MAGI1: variants seen among roughly 807,000 people sequenced by gnomAD.
MAGI1 encodes the protein membrane-associated guanylate kinase, WW and PDZ domain-containing protein 1.
In MAGI1, 58 loss-of-function variants were observed where a neutral mutation model predicts 139.9. The observed-to-expected ratio is 0.41, with a 90% CI of 0.34 to 0.52. MAGI1 has a LOEUF of 0.52. Ranked by LOEUF, MAGI1 falls within the 20% of genes least tolerant of loss-of-function variation. The pLI is 0.12. For missense variants in MAGI1, 1,874 were observed against 1,901.6 expected (o/e 0.99, Z 0.27); for synonymous variants, 812 against 737.9 (o/e 1.10, Z -1.63).
chr3:65,610,765 C>CAT (rs1163685151), intron 2 of MAGI1, among the ~76,000 whole-genome samples: 9 of 27,058 alleles, frequency 3.3e-4, no homozygotes, highest in African/African-American at 5.1e-4. Context: ...ATATATATAG[C>CAT]ATATATATAT....
chr3:65,753,941 G>A (rs911038478), intron 1 of MAGI1, among the ~76,000 whole-genome samples: 3 of 152,102 alleles, frequency 2.0e-5, no homozygotes, highest in African/African-American at 7.2e-5. Flanking sequence ...GGACCACACA[G>A]CTGCAGGTAT....
chr3:65,593,387 T>C (rs1007636060), intron 2 of MAGI1, among the ~76,000 whole-genome samples: 1 of 150,572 alleles, frequency 6.6e-6, no homozygotes, highest in African/African-American at 2.4e-5. Flanking sequence ...CAAGGACTAG[T>C]AGATTGTGAA....
chr3:65,771,463 A>C (rs1057487165), intron 1 of MAGI1, among the ~76,000 whole-genome samples: 3 of 152,184 alleles, frequency 2.0e-5, no homozygotes, highest in Non-Finnish European at 4.4e-5. Flanking sequence ...ACACAGGGAA[A>C]CATAGAGATA....
chr3:65,734,285 C>T (rs1431590499), intron 1 of MAGI1, among the ~76,000 whole-genome samples: 1 of 151,876 alleles, frequency 6.6e-6, no homozygotes, highest in African/African-American at 2.4e-5. Context: ...CACAGGGAGA[C>T]CCTGCCTCTA....
chr3:65,611,095 T>C (rs2083066744), intron 2 of MAGI1, among the ~76,000 whole-genome samples: 1 of 138,196 alleles, frequency 7.2e-6, no homozygotes, highest in Admixed American at 7.6e-5. Flanking sequence ...TATACATATA[T>C]AATATATAGT....
rs776191948 is a variant in MAGI1 at position 65,379,409 on chromosome 3, G to A, written c.2847C>T (p.Ser949=). The A allele has an allele frequency of 2.8e-5, 45 of 1,613,172 alleles. No homozygotes were observed. The highest frequency in any genetic ancestry group is 3.3e-5 in the Non-Finnish European group (39 of 1,179,510). ...NTVSSGSGST[S]GIGSGGGGGS... ...CCCCGCCGCCGCCACTGCCGATGCC[G>A]CTGGTGCTGCCGCTGCCCGAGCTCA... The change falls in exon 17 of 23, where the codon AGC becomes AGT. Residue 949 remains serine, a synonymous_variant. Coordinates refer to ENST00000402939, the MANE Select transcript of MAGI1 (RefSeq NM_001033057.2).
chr3:65,970,118 CA>C (rs2064950752), intron 1 of MAGI1, among the ~76,000 whole-genome samples: 1 of 152,132 alleles, frequency 6.6e-6, no homozygotes, highest in Non-Finnish European at 1.5e-5. Context: ...AATGAATAAA[CA>C]AATCGAGGTG....
chr3:65,506,687 A>T (rs902305739), intron 2 of MAGI1, among the ~76,000 whole-genome samples: 1 of 152,192 alleles, frequency 6.6e-6, no homozygotes, highest in Non-Finnish European at 1.5e-5. Flanking sequence ...ATTGAAATAT[A>T]ATGTCTAAAT....
At chr3:65,530,538 G>A (rs917299288) in intron 2 of MAGI1, among the ~76,000 whole-genome samples, 2 of 150,822 alleles carry the variant, frequency 1.3e-5, no homozygotes, top group African/African-American at 4.9e-5. Context: ...GATTGCTTCA[G>A]CCCAGGAGGC....
chr3:65,619,732 T>A (rs2083567442), intron 2 of MAGI1: 2 of 411,780 alleles, frequency 4.9e-6, no homozygotes. Context: ...GTCGAAAGAA[T>A]CCCAAGTAAG....
At chr3:65,756,335 A>G (rs1478954612) in intron 1 of MAGI1, among the ~76,000 whole-genome samples, 2 of 152,190 alleles carry the variant, frequency 1.3e-5, no homozygotes, top group South Asian at 2.1e-4. Flanking sequence ...GATGAGAACA[A>G]TGTTCTCACA....
chr3:65,962,849 A>C (rs1392530511), intron 1 of MAGI1, among the ~76,000 whole-genome samples: 2 of 148,238 alleles, frequency 1.3e-5, no homozygotes, highest in Admixed American at 6.7e-5. Flanking sequence ...AAAAAAAAAG[A>C]AGCAGAAGAA....
At position 65,654,096 on chromosome 3, in the gene MAGI1, T is replaced by A. The variant is rs941340001; in HGVS notation, c.314-32008A>T. Among the ~76,000 whole-genome samples the A allele has an allele frequency of 3.9e-5, 6 of 152,308 alleles. No homozygotes were observed. In the South Asian group the frequency reaches 1.2e-3, roughly 32 times the overall value. On this transcript the variant is annotated intron_variant, in intron 1 of 22. Transcript: ENST00000402939. ...TCCACTATCAATAATGGAATTTTTTTAAACTCTAAATGGTTACTTTAAGTC... is the reference window on the plus strand; with the variant it reads ...TCCACTATCAATAATGGAATTTTTTAAAACTCTAAATGGTTACTTTAAGTC...
chr3:65,634,291 A>C (rs1327078253), intron 1 of MAGI1, among the ~76,000 whole-genome samples: 1 of 152,172 alleles, frequency 6.6e-6, no homozygotes, highest in East Asian at 1.9e-4. Context: ...AAAGCAAAAA[A>C]CCAACACATA....
intron 2 of MAGI1, among the ~76,000 whole-genome samples, chr3:65,498,043 T>C (rs533888302): frequency 1.3e-5 from 2 of 152,160 alleles, no homozygotes; most frequent in African/African-American, 2.4e-5. Context: ...TTCACCGATG[T>C]TGTGGAGAAA....
chr3:65,478,165 G>A lies in MAGI1; in HGVS notation c.757+427C>T, dbSNP rs371455605. Among the ~76,000 whole-genome samples the A allele has an allele frequency of 2.3e-4, 35 of 151,940 alleles. 1 individual carries two copies. The South Asian group carries it at 6.9e-3, about 30-fold the overall frequency. On this transcript the variant is annotated intron_variant, in intron 4 of 22. Transcript: ENST00000402939. ...GAGGATGCTGCTGGCCTTCTATACA[G>A]CATCAACTGACATTAAACTGATAAA...
chr3:65,693,416 T>C (rs887148661), intron 1 of MAGI1, among the ~76,000 whole-genome samples: 1 of 152,090 alleles, frequency 6.6e-6, no homozygotes. Context: ...AGTGCCCCCA[T>C]ACAACCGGGT....
chr3:65,643,482 G>C (rs1054139407), intron 1 of MAGI1, among the ~76,000 whole-genome samples: 2 of 152,062 alleles, frequency 1.3e-5, no homozygotes, highest in African/African-American at 4.8e-5. Flanking sequence ...TATAGGCCTT[G>C]GATCTAGGAA....
At chr3:65,996,409 A>C (rs993909231) in intron 1 of MAGI1, among the ~76,000 whole-genome samples, 1 of 152,106 alleles carries the variant, frequency 6.6e-6, no homozygotes, top group Non-Finnish European at 1.5e-5. Flanking sequence ...ACCCCATTCA[A>C]TCCTAACTAA....
Sources: allele counts gnomAD v4.1 joint callset (sites outside exome capture counted in the v4.1 genomes callset), GRCh38; gene constraint gnomAD v4.1.1; transcripts MANE v1.5; gene names NCBI Gene and HGNC (gene_info 2026-07-23, HGNC 2026-07-21).